Variants in ABTB3 observed in about 807,000 individuals in gnomAD.
ABTB3 encodes ankyrin repeat and BTB domain containing 3.
chr12:107,647,775 C>T, the ABTB3 span, among the ~76,000 whole-genome samples: 4 of 152,192 alleles, frequency 2.6e-5, no homozygotes. Flanking sequence ...ATCACAATTC[C>T]ATGAGGCAGG....
the ABTB3 span, chr12:107,651,864 G>A: frequency 1.8e-5 from 23 of 1,257,982 alleles, no homozygotes; most frequent in South Asian, 1.4e-4. Context: ...CAAACACAGA[G>A]GCAGGGCAGA....
chr12:107,586,664 G>A, the ABTB3 span, among the ~76,000 whole-genome samples: 1 of 152,186 alleles, frequency 6.6e-6, no homozygotes, highest in African/African-American at 2.4e-5. Context: ...TTGCTTTGGG[G>A]CTCAGCTGTC....
At chr12:107,451,813 T>C in the ABTB3 span, among the ~76,000 whole-genome samples, 2 of 152,220 alleles carry the variant, frequency 1.3e-5, no homozygotes, top group African/African-American at 4.8e-5. Context: ...CATTGGAGAA[T>C]ATAACAGTAA....
chr12:107,482,905 T>G, the ABTB3 span, among the ~76,000 whole-genome samples: 1 of 143,058 alleles, frequency 7.0e-6, no homozygotes, highest in Non-Finnish European at 1.5e-5. Context: ...TCTCTCTCTC[T>G]CTTTCTTCTT....
chr12:107,513,921 AG>A, the ABTB3 span, among the ~76,000 whole-genome samples: 3 of 152,232 alleles, frequency 2.0e-5, no homozygotes, highest in Admixed American at 6.5e-5. Flanking sequence ...GTCTGTCTCC[AG>A]TTGCACAAGA....
At chr12:107,388,536 C>T in the ABTB3 span, among the ~76,000 whole-genome samples, 2 of 150,968 alleles carry the variant, frequency 1.3e-5, no homozygotes, top group African/African-American at 2.4e-5. Flanking sequence ...CCTTCCTCCT[C>T]TTCATCTTCC....
the ABTB3 span, among the ~76,000 whole-genome samples, chr12:107,528,408 A>G: frequency 1.3e-5 from 2 of 152,270 alleles, no homozygotes; most frequent in African/African-American, 4.8e-5. Context: ...AAAGAAAAAC[A>G]TTAAGTAAAT....
chr12:107,422,803 C>T, the ABTB3 span, among the ~76,000 whole-genome samples: 6 of 152,140 alleles, frequency 3.9e-5, no homozygotes, highest in Non-Finnish European at 8.8e-5. Flanking sequence ...ACAGTCAAGC[C>T]ATAGATGAGT....
At chr12:107,643,825 A>T in the ABTB3 span, among the ~76,000 whole-genome samples, 1 of 143,840 alleles carries the variant, frequency 7.0e-6, no homozygotes, top group African/African-American at 2.6e-5. Flanking sequence ...GTGTAGTGGC[A>T]CAATCTTGGC....
the ABTB3 span, among the ~76,000 whole-genome samples, chr12:107,387,748 T>G: frequency 6.6e-6 from 1 of 152,154 alleles, no homozygotes. Flanking sequence ...GACTCCTTCC[T>G]CAGAACAGCC....
chr12:107,568,237 A>G, the ABTB3 span, among the ~76,000 whole-genome samples: 2 of 152,234 alleles, frequency 1.3e-5, no homozygotes, highest in African/African-American at 2.4e-5. Context: ...CTTGCTCATC[A>G]TTGTAAGATA....
At chr12:107,562,178 G>A in the ABTB3 span, among the ~76,000 whole-genome samples, 1 of 152,180 alleles carries the variant, frequency 6.6e-6, no homozygotes, top group African/African-American at 2.4e-5. Flanking sequence ...CATACAACAG[G>A]CAAAATATCT....
the ABTB3 span, among the ~76,000 whole-genome samples, chr12:107,510,494 C>T: frequency 2.6e-5 from 4 of 151,982 alleles, no homozygotes; most frequent in Admixed American, 2.0e-4. Context: ...TGGAGATAGA[C>T]AACACATTAA....
chr12:107,432,474 AG>A, the ABTB3 span, among the ~76,000 whole-genome samples: 1 of 152,200 alleles, frequency 6.6e-6, no homozygotes, highest in Non-Finnish European at 1.5e-5. Flanking sequence ...GTCTTCTTTG[AG>A]GACCTACTAA....
chr12:107,597,232 G>A, the ABTB3 span, among the ~76,000 whole-genome samples: 1 of 152,208 alleles, frequency 6.6e-6, no homozygotes, highest in Non-Finnish European at 1.5e-5. Context: ...GTACATTCCA[G>A]GAAAGACATG....
chr12:107,434,880 A>C, the ABTB3 span, among the ~76,000 whole-genome samples: 85 of 151,648 alleles, frequency 5.6e-4, no homozygotes, highest in Non-Finnish European at 8.9e-5. Flanking sequence ...AAAAAAAAAA[A>C]ACAACAACAA....
At chr12:107,566,780 G>C in the ABTB3 span, among the ~76,000 whole-genome samples, 1 of 152,040 alleles carries the variant, frequency 6.6e-6, no homozygotes, top group East Asian at 1.9e-4. Flanking sequence ...CTGGAGATCA[G>C]AATCACCTCA....
the ABTB3 span, among the ~76,000 whole-genome samples, chr12:107,562,735 C>T: frequency 2.0e-5 from 3 of 152,188 alleles, no homozygotes; most frequent in East Asian, 1.9e-4. Context: ...GTTTGAATCC[C>T]GCAGTATCCT....
chr12:107,341,013 G>A, the ABTB3 span, among the ~76,000 whole-genome samples: 1 of 152,156 alleles, frequency 6.6e-6, no homozygotes, highest in Non-Finnish European at 1.5e-5. Context: ...GATGTGAGAT[G>A]TAATGCAGGC....
Sources: gnomAD v4.1 joint callset for allele counts (sites outside exome capture counted in the v4.1 genomes callset) on GRCh38, gnomAD v4.1.1 for gene constraint, MANE v1.5 for transcripts, NCBI Gene and HGNC (gene_info 2026-07-23, HGNC 2026-07-21) for gene names.